The following PPP1R42 variants were observed in gnomAD, a reference collection of about 807,000 sequenced individuals.
PPP1R42 encodes leucine rich repeat containing 67.
PPP1R42 carries 34 observed loss-of-function variants against 31.0 expected under a neutral mutation model. That is an observed-to-expected ratio of 1.10 (90% CI 0.83 to 1.46). PPP1R42 has a LOEUF of 1.46. Ranked by LOEUF, PPP1R42 falls within the 40% of genes most tolerant of loss-of-function variation. The pLI is 0.00. For synonymous variants in PPP1R42, 103 were observed against 109.8 expected (o/e 0.94, Z 0.39); for missense variants, 268 against 303.0 (o/e 0.88, Z 0.86).
At chr8:67,005,103 CTTTT>C (rs766691539) in intron 5 of PPP1R42, among the ~76,000 whole-genome samples, 1 of 120,826 alleles carries the variant, frequency 8.3e-6, no homozygotes, top group Non-Finnish European at 1.7e-5. Context: ...AATCCACCCA[CTTTT>C]TTTTTTTTTT....
At chr8:66,993,590 A>G (rs1815251787) in intron 5 of PPP1R42, among the ~76,000 whole-genome samples, 1 of 152,188 alleles carries the variant, frequency 6.6e-6, no homozygotes, top group Non-Finnish European at 1.5e-5. Context: ...AGAAGCCTTT[A>G]GTGACCTCTC....
At chr8:67,018,894 A>G (rs1299533321) in intron 1 of PPP1R42, among the ~76,000 whole-genome samples, 1 of 127,470 alleles carries the variant, frequency 7.8e-6, no homozygotes, top group Non-Finnish European at 1.6e-5. Context: ...CAGTGGCGCA[A>G]TCTCGGCTCA....
rs1400219250 is a variant in PPP1R42 at position 66,988,497 on chromosome 8, G to A, written c.573C>T (p.Asn191=). ...LHVKDLEFLL[N]KLMKLWKIDL... ...CAATTTTCCACAGCTTCATCAACTT[G>A]TTCAGTAAAAACTCCAAATCCTATA... The change falls in exon 6 of 8, where the codon AAC becomes AAT. Residue 191 remains asparagine (N), a synonymous_variant. Transcript: ENST00000685739. The A allele has an allele frequency of 1.2e-6, 2 of 1,606,246 alleles. No homozygotes were observed. The highest frequency in any genetic ancestry group is 2.2e-5 in the South Asian group (2 of 89,078).
At chr8:66,988,189 C>G in intron 6 of PPP1R42, 3 of 1,189,030 alleles carry the variant, frequency 2.5e-6, no homozygotes, top group Non-Finnish European at 3.1e-6. Flanking sequence ...GAATAAGTAT[C>G]AGGTGCTTTA....
At chr8:67,009,830 G>T (rs893611244) in intron 5 of PPP1R42, among the ~76,000 whole-genome samples, 11 of 152,190 alleles carry the variant, frequency 7.2e-5, no homozygotes, top group African/African-American at 2.4e-4. Flanking sequence ...TCTGAATTTG[G>T]AAACAAGGTC....
intron 7 of PPP1R42, among the ~76,000 whole-genome samples, chr8:66,972,927 C>T (rs979505430): frequency 1.3e-5 from 2 of 152,140 alleles, no homozygotes; most frequent in Non-Finnish European, 2.9e-5. Context: ...CTTCATTTAG[C>T]CTGTGCCCCC....
Position 66,977,037 on chromosome 8 carries a change from C to CT in PPP1R42, c.802+5011dup, listed in dbSNP as rs758342244. Among the ~76,000 whole-genome samples the CT allele has an allele frequency of 1.5e-3, 201 of 132,826 alleles. 1 individual carries two copies. The highest frequency in any genetic ancestry group is 2.4e-3 in the African/African-American group (87 of 36,406). 87.1% of individuals were successfully genotyped at this position (132,826 alleles called of 152,430 possible). A position where few individuals can be genotyped will look rare whatever the true frequency, so the allele number is the denominator to read the frequency against. On this transcript the variant is annotated intron_variant, in intron 7 of 7. Coordinates refer to ENST00000685739, the MANE Select transcript of PPP1R42 (RefSeq NM_001364910.1). ...ATTTGTAGGTTTTTGTTTTGTTTTGCTTTTTTTTTTTTTTTAGACGTAGTC... is the reference window on the plus strand; with the variant it reads ...ATTTGTAGGTTTTTGTTTTGTTTTGCTTTTTTTTTTTTTTTTAGACGTAGTC...
At chr8:66,990,284 T>A (rs998203948) in intron 5 of PPP1R42, among the ~76,000 whole-genome samples, 1 of 151,038 alleles carries the variant, frequency 6.6e-6, no homozygotes, top group African/African-American at 2.5e-5. Flanking sequence ...TACAAACACT[T>A]AGAGAACGTT....
Position 66,985,557 on chromosome 8 carries a change from G to A in PPP1R42, c.670+2843C>T, listed in dbSNP as rs1037545291. 1.7e-5 allele frequency: 22 copies of A among 1,329,660 alleles called. No homozygotes were observed. The Admixed American group carries it at 1.7e-4, about 10-fold the overall frequency. 82.4% of individuals were successfully genotyped at this position (1,329,660 alleles called of 1,614,324 possible). A position where few individuals can be genotyped will look rare whatever the true frequency, so the allele number is the denominator to read the frequency against. On this transcript the variant is annotated intron_variant, in intron 6 of 7. Coordinates refer to ENST00000685739, the MANE Select transcript of PPP1R42 (RefSeq NM_001364910.1). ...ACGGGCCCACCATGTTGGCATTGCT[G>A]ATGAGTCCTGGCTTCAGTGCCAGCC...
At chr8:66,983,614 T>C (rs1263405419) in intron 6 of PPP1R42, among the ~76,000 whole-genome samples, 1 of 152,198 alleles carries the variant, frequency 6.6e-6, no homozygotes, top group Non-Finnish European at 1.5e-5. Context: ...GTAAAATTTA[T>C]TAGATCACAC....
At chr8:66,996,364 CTATA>C (rs959460469) in intron 5 of PPP1R42, among the ~76,000 whole-genome samples, 2 of 152,182 alleles carry the variant, frequency 1.3e-5, no homozygotes, top group Non-Finnish European at 2.9e-5. Flanking sequence ...GTTTCAGTGA[CTATA>C]TTATTAAGCT....
rs114865955 is a variant in PPP1R42 at position 66,966,855 on chromosome 8, A to T, written c.803-2521T>A. ...TATAGGCATTTTAAAATGGAAAATA[A>T]TATAATTCTTTTGAATTAGATCTTA... is the stretch of plus-strand genomic sequence containing the variant. On this transcript the variant is annotated intron_variant, in intron 7 of 7. Transcript: ENST00000685739. Among the ~76,000 whole-genome samples, 1,306 of 152,330 alleles carry T rather than the reference A, an allele frequency of 8.6e-3. 16 individuals carry two copies. Among genetic ancestry groups the T allele is most frequent in the African/African-American group, 0.03 (1,230 of 41,574 alleles).
rs1490774861 is a variant in PPP1R42 at position 66,986,105 on chromosome 8, C to T, written c.670+2295G>A. On this transcript the variant is annotated intron_variant, in intron 6 of 7. Transcript: ENST00000685739. ...CGGCTGCCTTCTTCTTGTCCATGCT[C>T]TTCCCTACAGCAGTTCAATGCTGCT... 7 of 710,086 alleles carry T rather than the reference C, an allele frequency of 9.9e-6. No homozygotes were observed. The East Asian group carries it at 1.9e-4, about 19-fold the overall frequency. The allele number at this position is 710,086 out of a possible 1,614,324, so 44.0% of individuals were successfully genotyped here.
intron 5 of PPP1R42, among the ~76,000 whole-genome samples, chr8:67,000,782 A>G (rs1376507236): frequency 6.6e-6 from 1 of 152,220 alleles, no homozygotes; most frequent in Non-Finnish European, 1.5e-5. Context: ...TCCTATTTTA[A>G]GGTAGAATGT....
intron 7 of PPP1R42, among the ~76,000 whole-genome samples, chr8:66,970,369 A>G (rs996187420): frequency 8.6e-5 from 13 of 151,988 alleles, no homozygotes; most frequent in African/African-American, 3.1e-4. Context: ...CTCCTGGACT[A>G]AAATGATCTG....
chr8:66,974,604 T>C (rs76919597), intron 7 of PPP1R42, among the ~76,000 whole-genome samples: 12,623 of 152,194 alleles, frequency 0.083, 1,073 homozygotes, highest in African/African-American at 0.22. Flanking sequence ...ATAGCTCATA[T>C]CTATTTTGAT....
At chr8:66,967,261 C>T (rs1284424820) in intron 7 of PPP1R42, among the ~76,000 whole-genome samples, 1 of 152,182 alleles carries the variant, frequency 6.6e-6, no homozygotes, top group Non-Finnish European at 1.5e-5. Context: ...TAGGCATGAG[C>T]CACCTCACCC....
chr8:66,989,265 A>C (rs1427366373), intron 5 of PPP1R42, among the ~76,000 whole-genome samples: 5 of 152,146 alleles, frequency 3.3e-5, no homozygotes. Context: ...ACCCAAATAA[A>C]TGTAAGGAAA....
intron 5 of PPP1R42, among the ~76,000 whole-genome samples, chr8:66,993,635 G>T (rs780567084): frequency 3.3e-5 from 5 of 152,154 alleles, no homozygotes; most frequent in Non-Finnish European, 5.9e-5. Flanking sequence ...TAATAGGCTC[G>T]CAGAGACACA....
Sources: allele counts gnomAD v4.1 joint callset (sites outside exome capture counted in the v4.1 genomes callset), GRCh38; gene constraint gnomAD v4.1.1; transcripts MANE v1.5; gene names NCBI Gene and HGNC (gene_info 2026-07-23, HGNC 2026-07-21).